Variants in AP3B1 observed in about 807,000 individuals in gnomAD.
AP3B1 encodes the protein AP-3 complex subunit beta-1.
A neutral mutation model predicts 132.5 loss-of-function variants in AP3B1; 61 were observed. The ratio of observed to expected loss-of-function variants is 0.46; its 90% CI spans 0.37 to 0.57. AP3B1 has a LOEUF of 0.57. Ranked by LOEUF, AP3B1 falls within the 20% of genes least tolerant of loss-of-function variation. AP3B1 has a pLI of 0.00. For synonymous variants in AP3B1, 388 were observed against 438.3 expected, an observed-to-expected ratio of 0.89 and a Z score of 1.43; for missense variants, 1,120 against 1,289.4, an observed-to-expected ratio of 0.87 and a Z score of 2.01.
At chr5:78,125,080 C>T (rs1003777152) in intron 17 of AP3B1, among the ~76,000 whole-genome samples, 3 of 152,054 alleles carry the variant, frequency 2.0e-5, no homozygotes, top group Non-Finnish European at 2.9e-5. Context: ...AGAACATAGA[C>T]GCTAATTTGA....
intron 20 of AP3B1, among the ~76,000 whole-genome samples, chr5:78,102,391 T>G (rs995113838): frequency 6.6e-6 from 1 of 152,176 alleles, no homozygotes; most frequent in Admixed American, 6.5e-5. Context: ...CTAATTTTAT[T>G]CTTCAAAGTA....
At chr5:78,041,715 TAAC>T (rs1428734233) in intron 22 of AP3B1, among the ~76,000 whole-genome samples, 2 of 152,188 alleles carry the variant, frequency 1.3e-5, no homozygotes, top group Admixed American at 6.5e-5. Flanking sequence ...CTGATGATGA[TAAC>T]AATCTAGTAT....
chr5:78,036,064 C>T (rs1310304199), intron 23 of AP3B1, among the ~76,000 whole-genome samples: 1 of 152,126 alleles, frequency 6.6e-6, no homozygotes, highest in Non-Finnish European at 1.5e-5. Flanking sequence ...GATCTCCCTT[C>T]ATCATGTATC....
At position 78,236,075 on chromosome 5, in the gene AP3B1, G is replaced by A. The variant is rs991170217; in HGVS notation, c.279+4787C>T. ...AAAATAAACAAGGTATTTAAAGAACGAAAGAAATCCAAAACAAATAGACCA... is the reference window on the plus strand; with the variant it reads ...AAAATAAACAAGGTATTTAAAGAACAAAAGAAATCCAAAACAAATAGACCA... On this transcript the variant is annotated intron_variant, in intron 3 of 26. Coordinates refer to ENST00000255194, the MANE Select transcript of AP3B1 (RefSeq NM_003664.5). 7.9e-5 allele frequency among the ~76,000 whole-genome samples: 12 copies of A among 152,088 alleles called. No homozygotes were observed. In the East Asian group the frequency reaches 1.9e-3, roughly 24 times the overall value.
intron 17 of AP3B1, among the ~76,000 whole-genome samples, chr5:78,119,356 C>T (rs252773): frequency 0.3 from 46,178 of 151,992 alleles, 7,509 homozygotes; most frequent in Admixed American, 0.41. Flanking sequence ...CGTTGACGAG[C>T]TGAGAGAAGA....
intron 22 of AP3B1, among the ~76,000 whole-genome samples, chr5:78,055,573 C>A (rs904032734): frequency 6.6e-6 from 1 of 152,080 alleles, no homozygotes; most frequent in African/African-American, 2.4e-5. Flanking sequence ...AAAATAGTGG[C>A]AGAGCTAAGA....
At chr5:78,191,471 C>T (rs1281097782) in intron 7 of AP3B1, among the ~76,000 whole-genome samples, 1 of 151,778 alleles carries the variant, frequency 6.6e-6, no homozygotes, top group Admixed American at 6.6e-5. Flanking sequence ...AAAGGTGAGG[C>T]CAGGATCCGC....
At chr5:78,211,560 T>C (rs1745738883) in intron 7 of AP3B1, among the ~76,000 whole-genome samples, 2 of 152,234 alleles carry the variant, frequency 1.3e-5, no homozygotes, top group South Asian at 4.1e-4. Context: ...GAATTTTCGA[T>C]TCCTCAACAA....
Position 78,240,919 on chromosome 5 carries a change from T to C in AP3B1, c.222A>G (p.Lys74=). ...KRIVGMIAKG[K]NASELFPAVV... ...CAGCAGGAAACAGTTCAGATGCATT[T>C]TTCCCTTTTGCAATCATCTGAAGAA... The change falls in exon 3 of 27, where the codon AAA becomes AAG. Residue 74 remains lysine (K), a synonymous_variant. Transcript: ENST00000255194. 3 of 1,612,854 alleles carry C rather than the reference T, an allele frequency of 1.9e-6. No homozygotes were observed. The highest frequency in any genetic ancestry group is 2.5e-6 in the Non-Finnish European group (3 of 1,179,072).
In AP3B1 at chr5:78,116,157, C is replaced by T; in HGVS notation, c.2046G>A (p.Glu682=). 6.2e-7 allele frequency: 1 copy of T among 1,613,714 alleles called. No individual in the cohort carries two copies. The highest frequency in any genetic ancestry group is 8.5e-7 in the Non-Finnish European group (1 of 1,179,718). Residue 682 remains glutamate (E), a synonymous_variant, in exon 18 of 27, where the codon GAG becomes GAA. Coordinates refer to ENST00000255194, the MANE Select transcript of AP3B1 (RefSeq NM_003664.5). ...CACTGCTACTATCAGAAGAGTCCTC[C>T]TCTTCCTCAGATTCAGAATAAAACT... ...AKKFYSESEE[E]EDSSDSSSDS... is the part of the protein sequence containing the mutation.
chr5:78,229,402 T>C (rs1289246314), intron 3 of AP3B1, among the ~76,000 whole-genome samples: 2 of 152,106 alleles, frequency 1.3e-5, no homozygotes, highest in Middle Eastern at 6.3e-3. Flanking sequence ...ACATTCCTGA[T>C]TACCCTTCTA....
Position 78,163,452 on chromosome 5 carries a change from T to C in AP3B1, c.1231-501A>G, listed in dbSNP as rs143635430. On this transcript the variant is annotated intron_variant, in intron 12 of 26. Transcript: ENST00000255194. ...ATCTATCACAATGGTTGTAAAAGAA[T>C]AATAGTTACGGTGAACAGTATTTCA... Among the ~76,000 whole-genome samples, 266 of 152,176 alleles carry C rather than the reference T, an allele frequency of 1.7e-3. 1 individual carries two copies. The highest frequency in any genetic ancestry group is 2.8e-3 in the Non-Finnish European group (192 of 67,990).
At chr5:78,183,922 C>A (rs185116771) in intron 7 of AP3B1, among the ~76,000 whole-genome samples, 206 of 147,930 alleles carry the variant, frequency 1.4e-3, no homozygotes, top group African/African-American at 4.7e-3. Context: ...GTAATCCCAG[C>A]ATTTTGGGAA....
At chr5:78,033,208 T>C (rs762516861) in intron 24 of AP3B1, among the ~76,000 whole-genome samples, 1 of 152,128 alleles carries the variant, frequency 6.6e-6, no homozygotes, top group Non-Finnish European at 1.5e-5. Context: ...ATGTTACTCA[T>C]AGCCTGTTGT....
chr5:78,268,815 G>A (rs984912336), intron 1 of AP3B1, among the ~76,000 whole-genome samples: 3 of 152,152 alleles, frequency 2.0e-5, no homozygotes, highest in African/African-American at 7.2e-5. Context: ...ATTAATATAG[G>A]AAGAGAAACT....
intron 7 of AP3B1, 77 bp downstream of exon 7, chr5:78,215,978 T>C: frequency 6.9e-7 from 1 of 1,443,730 alleles, no homozygotes; most frequent in Non-Finnish European, 9.7e-7. Flanking sequence ...TTACTACTCC[T>C]AATTTTTTGC....
chr5:78,065,229 G>A (rs1749236043), intron 22 of AP3B1, among the ~76,000 whole-genome samples: 1 of 152,156 alleles, frequency 6.6e-6, no homozygotes, highest in South Asian at 2.1e-4. Context: ...ATGCCACCAG[G>A]GCCTTGGGTC....
chr5:78,057,600 C>A (rs1015587368), intron 22 of AP3B1, among the ~76,000 whole-genome samples: 1 of 152,160 alleles, frequency 6.6e-6, no homozygotes, highest in Non-Finnish European at 1.5e-5. Flanking sequence ...TCTAAACACA[C>A]TGTATTTTAA....
In AP3B1 at chr5:78,225,611, A is replaced by G. The variant is rs1746369860; in HGVS notation, c.537-3T>C. 1 of 1,520,852 alleles carries G rather than the reference A, an allele frequency of 6.6e-7. No homozygotes were observed. The highest frequency in any genetic ancestry group is 1.7e-5 in the Admixed American group (1 of 59,210). 94.2% of individuals were successfully genotyped at this position (1,520,852 alleles called of 1,614,324 possible). On this transcript the variant is annotated splice_region_variant and splice_polypyrimidine_tract_variant and intron_variant, in intron 5 of 26. Coordinates refer to ENST00000255194, the MANE Select transcript of AP3B1 (RefSeq NM_003664.5). ...TTTCCTTCTGCTCTGGATCAAGGCT[A>G]AAAAATACAAAAATAACATATTAAT... is the stretch of plus-strand genomic sequence containing the variant.
Sources: allele counts gnomAD v4.1 joint callset (sites outside exome capture counted in the v4.1 genomes callset), GRCh38; gene constraint gnomAD v4.1.1; transcripts MANE v1.5; gene names NCBI Gene and HGNC (gene_info 2026-07-23, HGNC 2026-07-21).